NLN: variants seen among roughly 807,000 people sequenced by gnomAD.
NLN encodes the protein neurolysin, also known as neurolysin, mitochondrial.
NLN carries 64 observed loss-of-function variants against 79.9 expected under a neutral mutation model. The ratio of observed to expected loss-of-function variants is 0.80; its 90% confidence interval spans 0.65 to 0.99. The LOEUF (loss-of-function observed/expected upper bound fraction) is 0.99. Ranked by LOEUF, NLN falls within the 50% of genes least tolerant of loss-of-function variation. NLN has a pLI of 0.00. For synonymous variants in NLN, 267 were observed against 296.6 expected, an observed-to-expected ratio of 0.90 and a Z score of 1.02; for missense variants, 835 against 858.7, an observed-to-expected ratio of 0.97 and a Z score of 0.34.
At chr5:65,819,997 G>T (rs1760759017) in intron 12 of NLN, among the ~76,000 whole-genome samples, 1 of 152,210 alleles carries the variant, frequency 6.6e-6, no homozygotes. Flanking sequence ...GGCAGAGGAA[G>T]ATTTGAGCTG....
At chr5:65,751,895 A>G (rs1759110550) in intron 1 of NLN, among the ~76,000 whole-genome samples, 1 of 152,120 alleles carries the variant, frequency 6.6e-6, no homozygotes, top group South Asian at 2.1e-4. Flanking sequence ...TAGCAAATGC[A>G]CCTTCCTGTC....
chr5:65,781,482 T>G, intron 6 of NLN, 61 bp downstream of exon 6: 1 of 1,279,876 alleles, frequency 7.8e-7, no homozygotes. Context: ...AAGGGTTTAC[T>G]TTGTTCACCA....
Position 65,828,905 on chromosome 5 carries a change from C to A in NLN, c.*5990C>A, listed in dbSNP as rs1431077825. ...GAATATTGTTTATGGCTTAAGGTTGCCTCGCTCCTCATCTGTAATCAGTGA... is the reference window on the plus strand; with the variant it reads ...GAATATTGTTTATGGCTTAAGGTTGACTCGCTCCTCATCTGTAATCAGTGA... On this transcript the variant is annotated 3_prime_UTR_variant, in exon 13 of 13. Transcript: ENST00000380985. 1 of 152,182 alleles carries A rather than the reference C, an allele frequency of 6.6e-6. No individual in the cohort carries two copies. Among genetic ancestry groups the A allele is most frequent in the African/African-American group, 2.4e-5 (1 of 41,440 alleles). The allele number at this position is 152,182 out of a possible 1,614,324, so 9.4% of individuals were successfully genotyped here.
intron 3 of NLN, among the ~76,000 whole-genome samples, chr5:65,765,578 A>G (rs252639): frequency 0.56 from 85,377 of 151,810 alleles, 24,338 homozygotes; most frequent in South Asian, 0.6. Context: ...GCATGGTGGT[A>G]AGTGCCTGTA....
chr5:65,822,428 C>T (rs1353279236), intron 12 of NLN, among the ~76,000 whole-genome samples: 1 of 152,208 alleles, frequency 6.6e-6, no homozygotes, highest in African/African-American at 2.4e-5. Flanking sequence ...TGAACACTTG[C>T]TTTCTAAGCC....
At chr5:65,727,329 A>G (rs1758498363) in intron 1 of NLN, among the ~76,000 whole-genome samples, 1 of 152,112 alleles carries the variant, frequency 6.6e-6, no homozygotes, top group Admixed American at 6.6e-5. Flanking sequence ...CACCATGCCC[A>G]GCTAATTTGA....
At chr5:65,787,051 A>G (rs1481583985) in intron 7 of NLN, among the ~76,000 whole-genome samples, 2 of 152,022 alleles carry the variant, frequency 1.3e-5, no homozygotes, top group African/African-American at 4.8e-5. Flanking sequence ...ATACACTAAA[A>G]TTTTCCTTAG....
intron 8 of NLN, among the ~76,000 whole-genome samples, chr5:65,789,797 C>G (rs12658444): frequency 6.6e-6 from 1 of 152,130 alleles, no homozygotes; most frequent in East Asian, 1.9e-4. Context: ...ATTAGATAAT[C>G]TGTCTGCCAA....
rs1389842923 is a variant in NLN at position 65,809,660 on chromosome 5, A to T, written c.1673A>T (p.Asp558Val). 2 of 1,611,726 alleles carry T rather than the reference A, an allele frequency of 1.2e-6. No individual in the cohort carries two copies. The change falls in exon 10 of 13, where the codon GAT becomes GTT. Residue 558 changes from aspartate to valine, a missense_variant. Asp to Val is a radical substitution (Grantham distance 152). Coordinates refer to ENST00000380985, the MANE Select transcript of NLN (RefSeq NM_020726.5). The part of the protein sequence containing the change: ...HYKDGSPIAD[D>V]LLEKLVASRL... ...AAAGATGGAAGCCCTATTGCAGACGATCTGCTTGAAAAACTTGTTGCTTCT... is the reference window on the plus strand; with the variant it reads ...AAAGATGGAAGCCCTATTGCAGACGTTCTGCTTGAAAAACTTGTTGCTTCT...
chr5:65,725,942 C>T (rs930884808), intron 1 of NLN, among the ~76,000 whole-genome samples: 40 of 152,100 alleles, frequency 2.6e-4, no homozygotes, highest in African/African-American at 8.5e-4. Context: ...GAAACCCTGT[C>T]TCTACTGAAA....
intron 9 of NLN, among the ~76,000 whole-genome samples, chr5:65,807,154 G>A (rs1186681390): frequency 6.7e-6 from 1 of 149,338 alleles, no homozygotes; most frequent in East Asian, 2.0e-4. Context: ...TCCAACCTGG[G>A]CAACAGAGCA....
intron 8 of NLN, among the ~76,000 whole-genome samples, chr5:65,791,023 A>C (rs17183903): frequency 0.078 from 11,900 of 152,302 alleles, 711 homozygotes; most frequent in Admixed American, 0.19. Flanking sequence ...TGACCTAGTT[A>C]ATACTTACTT....
chr5:65,742,763 G>A lies in NLN; in HGVS notation c.42-15804G>A, dbSNP rs559852140. On this transcript the variant is annotated intron_variant, in intron 1 of 12. Coordinates refer to ENST00000380985, the MANE Select transcript of NLN (RefSeq NM_020726.5). ...AATTGTAGCACTTTGCTTTTCAAGT[G>A]TACTGGCATGTATTGTAGATTATCT... Among the ~76,000 whole-genome samples, 4 of 152,304 alleles carry A rather than the reference G, an allele frequency of 2.6e-5. No individual in the cohort carries two copies. In the East Asian group the frequency reaches 7.7e-4, roughly 29 times the overall value.
intron 1 of NLN, among the ~76,000 whole-genome samples, chr5:65,723,630 C>G (rs1430708788): frequency 1.3e-5 from 2 of 151,676 alleles, no homozygotes; most frequent in East Asian, 1.9e-4. Flanking sequence ...CTGGCTAACA[C>G]GGTGAAACCC....
At chr5:65,781,685 A>G (rs979841185) in intron 6 of NLN, among the ~76,000 whole-genome samples, 31 of 152,226 alleles carry the variant, frequency 2.0e-4, no homozygotes, top group African/African-American at 7.5e-4. Flanking sequence ...TAAATCAACA[A>G]TCCAGCACTG....
In NLN at chr5:65,792,596, G is replaced by T; in HGVS notation, c.1468G>T (p.Asp490Tyr). 3 of 1,614,018 alleles carry T rather than the reference G, an allele frequency of 1.9e-6. No homozygotes were observed. Among genetic ancestry groups the T allele is most frequent in the Non-Finnish European group, 2.5e-6 (3 of 1,179,926 alleles). The change falls in exon 9 of 13, where the codon GAC (aspartate) becomes TAC (tyrosine). Residue 490 changes from aspartate (D) to tyrosine (Y), a missense_variant. By Grantham distance (160) the Asp-to-Tyr change is radical. Coordinates refer to ENST00000380985, the MANE Select transcript of NLN (RefSeq NM_020726.5). ...VAGRPSLLRH[D>Y]EVRTYFHEFG... is the part of the protein sequence containing the mutation. ...AGGTCGTCCCTCTCTCCTGAGACAC[G>T]ACGAGGTGAGGACTTACTTTCATGA...
At chr5:65,731,565 A>G (rs1229760800) in intron 1 of NLN, among the ~76,000 whole-genome samples, 3 of 152,048 alleles carry the variant, frequency 2.0e-5, no homozygotes, top group African/African-American at 4.8e-5. Context: ...TTGATCTTTG[A>G]ACTTTTGGGG....
Position 65,722,326 on chromosome 5 carries a change from C to T in NLN, c.-48C>T. On this transcript the variant is annotated 5_prime_UTR_variant, in exon 1 of 13. Transcript: ENST00000380985. ...GGCGCTGCCGCCCGCCTCGCCGCCCCACGCCGAAGGACCACGCGCCCGCCG... is the reference window on the plus strand; with the variant it reads ...GGCGCTGCCGCCCGCCTCGCCGCCCTACGCCGAAGGACCACGCGCCCGCCG... The T allele has an allele frequency of 1.3e-6, 2 of 1,498,288 alleles. No homozygotes were observed. Among genetic ancestry groups the T allele is most frequent in the South Asian group, 1.2e-5 (1 of 80,370 alleles). 92.8% of individuals were successfully genotyped at this position (1,498,288 alleles called of 1,614,324 possible).
Position 65,737,127 on chromosome 5 carries a change from G to A in NLN, c.41+14713G>A, listed in dbSNP as rs1378601948. On this transcript the variant is annotated intron_variant, in intron 1 of 12. Transcript: ENST00000380985. ...CCAGCCTATGCGACAGAGGGAGACT[G>A]TCTCCAAAAAAATATGTATATTTAA... 2.6e-5 allele frequency among the ~76,000 whole-genome samples: 4 copies of A among 151,400 alleles called. 1 individual carries two copies. The highest frequency in any genetic ancestry group is 2.0e-4 in the Admixed American group (3 of 15,246).
Sources: allele counts gnomAD v4.1 joint callset (sites outside exome capture counted in the v4.1 genomes callset), GRCh38; gene constraint gnomAD v4.1.1; transcripts MANE v1.5; gene names NCBI Gene and HGNC (gene_info 2026-07-23, HGNC 2026-07-21).